Variants in MRTFA observed in about 807,000 individuals in gnomAD.
The protein encoded by MRTFA is myocardin related transcription factor A.
Under a neutral mutation model 83.5 loss-of-function variants are expected in MRTFA, and 20 were observed. That is an observed-to-expected ratio of 0.24 (90% CI 0.17 to 0.35). The LOEUF (loss-of-function observed/expected upper bound fraction) is 0.35. MRTFA is among the 10% of genes least tolerant of loss of function. The pLI is 1.00. For synonymous variants in MRTFA, 659 were observed against 541.2 expected, an observed-to-expected ratio of 1.22 and a Z score of -3.02; for missense variants, 1,200 against 1,224.7, an observed-to-expected ratio of 0.98 and a Z score of 0.30.
intron 3 of MRTFA, among the ~76,000 whole-genome samples, chr22:40,475,620 G>C (rs554791244): frequency 4.6e-5 from 7 of 152,344 alleles, no homozygotes; most frequent in African/African-American, 1.7e-4. Flanking sequence ...CACATGCCAA[G>C]AGTGGGCATG....
At chr22:40,413,307 C>CA (rs2052601593) in intron 14 of MRTFA, among the ~76,000 whole-genome samples, 1 of 150,424 alleles carries the variant, frequency 6.6e-6, no homozygotes, top group Non-Finnish European at 1.5e-5. Flanking sequence ...AAAACAACAA[C>CA]AAAAAAAGGT....
intron 3 of MRTFA, among the ~76,000 whole-genome samples, chr22:40,471,219 T>TAAA (rs61206773): frequency 4.2e-4 from 18 of 42,686 alleles, no homozygotes; most frequent in Admixed American, 3.6e-4. Context: ...CTGTTTCTAT[T>TAAA]AAAAAAAAAA....
intron 3 of MRTFA, among the ~76,000 whole-genome samples, chr22:40,480,499 T>G (rs1486621902): frequency 6.6e-6 from 1 of 152,054 alleles, no homozygotes; most frequent in African/African-American, 2.4e-5. Flanking sequence ...ATCTACATAC[T>G]TACTAACTAG....
intron 2 of MRTFA, among the ~76,000 whole-genome samples, chr22:40,556,675 A>G (rs2055529579): frequency 6.6e-6 from 1 of 152,234 alleles, no homozygotes; most frequent in African/African-American, 2.4e-5. Context: ...TTCAGAATCT[A>G]AACTTCAAAG....
In MRTFA at chr22:40,411,920, CAA is replaced by C. The variant is rs778814762; in HGVS notation, c.2579-15_2579-14del. On this transcript the variant is annotated splice_polypyrimidine_tract_variant and intron_variant, in intron 14 of 14. Transcript: ENST00000355630. The stretch of plus-strand genomic sequence containing the variant: ...TCTGCTGAAATTTCTGCCAATCAAT[CAA>C]GAGAGTAAATGGATATCAGAAGCCA... The C allele has an allele frequency of 2.1e-5, 31 of 1,478,570 alleles. No individual in the cohort carries two copies. Among genetic ancestry groups the C allele is most frequent in the Middle Eastern group, 1.8e-4 (1 of 5,416 alleles). 91.6% of individuals were successfully genotyped at this position (1,478,570 alleles called of 1,614,324 possible). A position where few individuals can be genotyped will look rare whatever the true frequency, so the allele number is the denominator to read the frequency against.
chr22:40,468,926 A>T (rs2053855272), intron 3 of MRTFA, among the ~76,000 whole-genome samples: 1 of 152,232 alleles, frequency 6.6e-6, no homozygotes. Flanking sequence ...TTTCATGAGA[A>T]TTAACAATGA....
intron 2 of MRTFA, chr22:40,587,318 A>C (rs2030437646): frequency 2.2e-6 from 1 of 455,804 alleles, no homozygotes; most frequent in South Asian, 1.6e-5. Context: ...CAGTTTGCTT[A>C]CATTAAGCAG....
At chr22:40,465,132 A>C (rs2053792152) in intron 3 of MRTFA, among the ~76,000 whole-genome samples, 1 of 152,134 alleles carries the variant, frequency 6.6e-6, no homozygotes, top group Non-Finnish European at 1.5e-5. Context: ...GCATTCAGTT[A>C]CTCTAGGCCT....
chr22:40,556,678 C>G (rs2055529723), intron 2 of MRTFA, among the ~76,000 whole-genome samples: 1 of 152,160 alleles, frequency 6.6e-6, no homozygotes, highest in African/African-American at 2.4e-5. Flanking sequence ...AGAATCTAAA[C>G]TTCAAAGAAT....
chr22:40,595,724 G>C (rs886389624), intron 1 of MRTFA, among the ~76,000 whole-genome samples: 6 of 152,146 alleles, frequency 3.9e-5, no homozygotes, highest in Admixed American at 1.3e-4. Context: ...GGAAAAGAGA[G>C]GAAGGCTTTA....
chr22:40,514,214 G>A (rs756144710), intron 3 of MRTFA, among the ~76,000 whole-genome samples: 8 of 151,296 alleles, frequency 5.3e-5, no homozygotes, highest in Non-Finnish European at 8.8e-5. Flanking sequence ...TCACGCCACT[G>A]CACTCCAGCC....
intron 3 of MRTFA, among the ~76,000 whole-genome samples, chr22:40,467,336 T>C (rs959887466): frequency 2.0e-5 from 3 of 152,216 alleles, no homozygotes; most frequent in African/African-American, 7.2e-5. Flanking sequence ...TGTTTTATAA[T>C]TTATCTGCTT....
intron 3 of MRTFA, among the ~76,000 whole-genome samples, chr22:40,540,325 G>A (rs1227248031): frequency 1.3e-5 from 2 of 152,110 alleles, no homozygotes; most frequent in Non-Finnish European, 2.9e-5. Flanking sequence ...CCAACTGATT[G>A]TTATTTCTCT....
chr22:40,622,791 G>A, intron 1 of MRTFA, among the ~76,000 whole-genome samples: 1 of 151,874 alleles, frequency 6.6e-6, no homozygotes, highest in East Asian at 1.9e-4. Context: ...ATAAGAGAAT[G>A]AATATCTGTT....
At chr22:40,454,395 C>T (rs2053547784) in intron 4 of MRTFA, among the ~76,000 whole-genome samples, 1 of 152,176 alleles carries the variant, frequency 6.6e-6, no homozygotes, top group South Asian at 2.1e-4. Flanking sequence ...AAATTACAGG[C>T]ATGAGCCACT....
intron 4 of MRTFA, among the ~76,000 whole-genome samples, chr22:40,455,815 T>C (rs1440601957): frequency 1.3e-5 from 2 of 149,682 alleles, no homozygotes; most frequent in Non-Finnish European, 3.0e-5. Flanking sequence ...TATGTATGTA[T>C]GTATGTATGT....
intron 3 of MRTFA, among the ~76,000 whole-genome samples, chr22:40,509,466 G>A (rs2054632330): frequency 6.6e-6 from 1 of 152,298 alleles, no homozygotes; most frequent in East Asian, 1.9e-4. Context: ...CCCCATAGCC[G>A]AAAGAGGTTT....
chr22:40,494,513 C>T (rs12167133), intron 3 of MRTFA, among the ~76,000 whole-genome samples: 1 of 151,944 alleles, frequency 6.6e-6, no homozygotes. Context: ...GACCTCTTCT[C>T]TACAAAAACC....
In MRTFA at chr22:40,552,246, A is replaced by G. The variant is rs2055453600; in HGVS notation, c.101T>C (p.Val34Ala). Reference sequence around the variant, plus strand: ...GGGACTGGGTGCCGCAGATAAGGACACGAGCACTGGTTCATCATCATTTTC... The same window carrying G: ...GGGACTGGGTGCCGCAGATAAGGACGCGAGCACTGGTTCATCATCATTTTC... The change falls in exon 3 of 15, where the codon GTG becomes GCG. Residue 34 changes from valine (V) to alanine (A), a missense_variant. Around this residue, in one of 2 missense-constraint regions of MRTFA, gnomAD observed 93 missense variants for 182.9 expected, o/e 0.51. Coordinates refer to ENST00000355630, the MANE Select transcript of MRTFA (RefSeq NM_020831.6). 2.5e-6 allele frequency: 1 copy of G among 399,014 alleles called. No individual in the cohort carries two copies. The highest frequency in any genetic ancestry group is 4.4e-6 in the Non-Finnish European group (1 of 226,108). 24.7% of individuals were successfully genotyped at this position (399,014 alleles called of 1,614,324 possible).
Sources: allele counts gnomAD v4.1 joint callset (sites outside exome capture counted in the v4.1 genomes callset), GRCh38; gene constraint gnomAD v4.1.1; regional missense constraint gnomAD v4.1.1; transcripts MANE v1.5; gene names NCBI Gene and HGNC (gene_info 2026-07-23, HGNC 2026-07-21).